The following CDH18 variants were observed in gnomAD, a reference collection of about 807,000 sequenced individuals.
CDH18 encodes the protein cadherin-18.
CDH18 carries 31 observed loss-of-function variants against 67.9 expected under a neutral mutation model. That is an observed-to-expected ratio of 0.46 (90% CI 0.34 to 0.62). CDH18 has a LOEUF of 0.62. Among genes scored for constraint, CDH18 ranks in the 20% least tolerant of loss-of-function variants. The probability of loss-of-function intolerance (pLI) is 0.01; values close to 1 mark genes in which losing one functional copy is unlikely to be tolerated. For synonymous variants in CDH18, 362 were observed against 347.2 expected, an observed-to-expected ratio of 1.04 and a Z score of -0.48; for missense variants, 890 against 975.5, an observed-to-expected ratio of 0.91 and a Z score of 1.17.
chr5:20,528,090 G>A (rs1002843690), intron 1 of CDH18, among the ~76,000 whole-genome samples: 17 of 151,840 alleles, frequency 1.1e-4, no homozygotes, highest in African/African-American at 4.1e-4. Context: ...ATGAAAAGCA[G>A]AAAAAAGTGG....
At chr5:20,468,348 T>C (rs952381149) in intron 1 of CDH18, among the ~76,000 whole-genome samples, 1 of 152,152 alleles carries the variant, frequency 6.6e-6, no homozygotes, top group Non-Finnish European at 1.5e-5. Context: ...ACATTTAAAG[T>C]ACATTCCTCC....
chr5:20,003,119 A>G (rs1736582576), intron 2 of CDH18, among the ~76,000 whole-genome samples: 1 of 152,202 alleles, frequency 6.6e-6, no homozygotes, highest in Non-Finnish European at 1.5e-5. Flanking sequence ...AATCAGCTGG[A>G]ACAAGTATAC....
intron 2 of CDH18, among the ~76,000 whole-genome samples, chr5:20,079,325 G>A (rs1478864155): frequency 6.6e-6 from 1 of 152,068 alleles, no homozygotes; most frequent in Admixed American, 6.6e-5. Context: ...ATTTGTCTCT[G>A]TCTCTGGCTT....
At chr5:19,756,116 G>A (rs7702389) in intron 3 of CDH18, among the ~76,000 whole-genome samples, 145,212 of 152,238 alleles carry the variant, frequency 0.95, 69,520 homozygotes, top group East Asian at 1. Context: ...TACACCTAAC[G>A]TAATACAACT....
intron 2 of CDH18, among the ~76,000 whole-genome samples, chr5:19,844,236 A>G (rs1782670867): frequency 6.6e-6 from 1 of 152,152 alleles, no homozygotes; most frequent in East Asian, 1.9e-4. Context: ...GTCCTCACCC[A>G]AATCTCATCT....
intron 2 of CDH18, among the ~76,000 whole-genome samples, chr5:20,072,138 C>A (rs763386015): frequency 6.6e-6 from 1 of 151,970 alleles, no homozygotes; most frequent in Non-Finnish European, 1.5e-5. Context: ...TCTTAGATCC[C>A]ATTATGAAGT....
intron 1 of CDH18, among the ~76,000 whole-genome samples, chr5:20,322,504 T>C (rs183249962): frequency 2.3e-4 from 35 of 152,270 alleles, no homozygotes; most frequent in African/African-American, 8.4e-4. Context: ...TTAGTATTGA[T>C]GCTTCAGTTT....
At chr5:19,564,908 AT>A (rs902107866) in intron 8 of CDH18, among the ~76,000 whole-genome samples, 1 of 152,008 alleles carries the variant, frequency 6.6e-6, no homozygotes, top group African/African-American at 2.4e-5. Flanking sequence ...TTGAGTGAAG[AT>A]GGGTGGTATC....
intron 1 of CDH18, among the ~76,000 whole-genome samples, chr5:20,516,776 T>C (rs1755401795): frequency 6.6e-6 from 1 of 151,994 alleles, no homozygotes; most frequent in African/African-American, 2.4e-5. Context: ...ATTGATGTAT[T>C]ACCTTGTATT....
At chr5:19,647,399 A>G (rs1754916512) in intron 5 of CDH18, among the ~76,000 whole-genome samples, 1 of 151,424 alleles carries the variant, frequency 6.6e-6, no homozygotes, top group Non-Finnish European at 1.5e-5. Context: ...GCATGGTGGC[A>G]CAGAACTGTA....
intron 1 of CDH18, among the ~76,000 whole-genome samples, chr5:20,516,134 G>C (rs188440659): frequency 1.3e-5 from 2 of 152,022 alleles, no homozygotes; most frequent in African/African-American, 2.4e-5. Flanking sequence ...ATTGTAAGAG[G>C]TTTGTAGTAC....
chr5:20,099,669 A>C (rs762069656), intron 2 of CDH18, among the ~76,000 whole-genome samples: 1 of 152,200 alleles, frequency 6.6e-6, no homozygotes, highest in African/African-American at 2.4e-5. Context: ...TAATTACTAC[A>C]TATCAAATAA....
intron 3 of CDH18, among the ~76,000 whole-genome samples, chr5:19,788,264 A>T (rs1388085097): frequency 6.6e-6 from 1 of 152,204 alleles, no homozygotes; most frequent in Non-Finnish European, 1.5e-5. Flanking sequence ...CTGACTTTTC[A>T]AGATGGTAAT....
At chr5:19,787,163 G>C (rs749674771) in intron 3 of CDH18, among the ~76,000 whole-genome samples, 1 of 152,132 alleles carries the variant, frequency 6.6e-6, no homozygotes, top group African/African-American at 2.4e-5. Flanking sequence ...GCCTTGGCCT[G>C]AACTCAGAGT....
intron 2 of CDH18, among the ~76,000 whole-genome samples, chr5:19,980,356 A>G (rs1209337032): frequency 6.6e-6 from 1 of 152,180 alleles, no homozygotes; most frequent in Non-Finnish European, 1.5e-5. Flanking sequence ...ACATAAATAC[A>G]TACATCAGAA....
intron 1 of CDH18, among the ~76,000 whole-genome samples, chr5:20,528,738 A>G (rs541847945): frequency 3.0e-4 from 46 of 152,214 alleles, no homozygotes; most frequent in Non-Finnish European, 5.9e-4. Context: ...GGACACAGCT[A>G]AAGCAGTGTT....
intron 9 of CDH18, among the ~76,000 whole-genome samples, chr5:19,527,320 C>T (rs1180987421): frequency 6.6e-6 from 1 of 151,524 alleles, no homozygotes; most frequent in Non-Finnish European, 1.5e-5. Flanking sequence ...TCAATTAATA[C>T]ATATTATAAA....
At chr5:19,566,022 GAA>G (rs35307428) in intron 8 of CDH18, among the ~76,000 whole-genome samples, 20 of 148,284 alleles carry the variant, frequency 1.3e-4, no homozygotes, top group East Asian at 9.8e-4. Flanking sequence ...CAAATCTATA[GAA>G]AAAAAAAATC....
At chr5:19,593,711 CTTCTT>C (rs1745654346) in intron 6 of CDH18, among the ~76,000 whole-genome samples, 2 of 129,308 alleles carry the variant, frequency 1.5e-5, no homozygotes, top group Non-Finnish European at 3.2e-5. Flanking sequence ...CCTCCTCCTT[CTTCTT>C]CTTCTTCTTC....
Sources: allele counts gnomAD v4.1 joint callset (sites outside exome capture counted in the v4.1 genomes callset), GRCh38; gene constraint gnomAD v4.1.1; transcripts MANE v1.5; gene names NCBI Gene and HGNC (gene_info 2026-07-23, HGNC 2026-07-21).